The following TTLL5 variants were observed in gnomAD, a reference collection of about 807,000 sequenced individuals.
TTLL5 encodes the protein tubulin polyglutamylase TTLL5.
Under a neutral mutation model 168.4 loss-of-function variants are expected in TTLL5, and 132 were observed. That is an observed-to-expected ratio of 0.78 (90% CI 0.68 to 0.91). The LOEUF (loss-of-function observed/expected upper bound fraction) is 0.91. Among genes scored for constraint, TTLL5 ranks in the 40% least tolerant of loss-of-function variants. The probability of loss-of-function intolerance (pLI) is 0.00; values close to 1 mark genes in which losing one functional copy is unlikely to be tolerated. For missense variants in TTLL5, 1,545 were observed against 1,581.5 expected (o/e 0.98, Z 0.39); for synonymous variants, 546 against 558.6 (o/e 0.98, Z 0.32).
At position 75,793,102 on chromosome 14, in the gene TTLL5, T is replaced by G; in HGVS notation, c.3171+2T>G. ...CACATCAACCTCCTCACCCAACAGG[T>G]ACGGATGGTCTGGGGTGTCCAAGAG... On this transcript the variant is annotated splice_donor_variant, in intron 27 of 31. Transcript: ENST00000298832. LOFTEE classifies it high-confidence loss of function. 1 of 1,606,320 alleles carries G rather than the reference T, an allele frequency of 6.2e-7. No homozygotes were observed. The highest frequency in any genetic ancestry group is 8.5e-7 in the Non-Finnish European group (1 of 1,175,378).
At position 75,902,233 on chromosome 14, in the gene TTLL5, G is replaced by A; in HGVS notation, c.3823+9G>A. The A allele has an allele frequency of 1.9e-6, 3 of 1,613,846 alleles. No homozygotes were observed. The highest frequency in any genetic ancestry group is 4.5e-5 in the East Asian group (2 of 44,870). On this transcript the variant is annotated intron_variant, in intron 31 of 31. Transcript: ENST00000298832. ...CATCACCAGCTCTACAGGTTAGTGG[G>A]CACCAGCTCTTCTGCAACTGGATAG...
At chr14:75,721,105 C>A (rs1443205068) in intron 12 of TTLL5, among the ~76,000 whole-genome samples, 1 of 152,124 alleles carries the variant, frequency 6.6e-6, no homozygotes, top group East Asian at 1.9e-4. Flanking sequence ...TCCGATGACT[C>A]CTCCTTTTTG....
chr14:75,698,179 C>A (rs1004793894), intron 6 of TTLL5, among the ~76,000 whole-genome samples: 14 of 152,202 alleles, frequency 9.2e-5, no homozygotes, highest in Non-Finnish European at 1.9e-4. Flanking sequence ...TAGCCTGCTT[C>A]TCTCCCCTGA....
At chr14:75,881,192 G>A (rs2031795023) in intron 29 of TTLL5, among the ~76,000 whole-genome samples, 1 of 152,168 alleles carries the variant, frequency 6.6e-6, no homozygotes, top group African/African-American at 2.4e-5. Flanking sequence ...AGGATTACAG[G>A]CATTAGCCAC....
At chr14:75,737,874 C>A (rs1889006225) in intron 15 of TTLL5, among the ~76,000 whole-genome samples, 1 of 152,078 alleles carries the variant, frequency 6.6e-6, no homozygotes, top group Admixed American at 6.5e-5. Flanking sequence ...GGAACAGGGG[C>A]TTGAAGGCAT....
intron 9 of TTLL5, among the ~76,000 whole-genome samples, chr14:75,713,348 G>T (rs1887223519): frequency 6.6e-6 from 1 of 152,202 alleles, no homozygotes; most frequent in Non-Finnish European, 1.5e-5. Flanking sequence ...TGCTGTACAG[G>T]TTTGTAGCCT....
intron 26 of TTLL5, among the ~76,000 whole-genome samples, chr14:75,791,124 A>AAAAAAG (rs71119392): frequency 6.6e-6 from 1 of 150,736 alleles, no homozygotes; most frequent in Non-Finnish European, 1.5e-5. Context: ...AAAAAAAAAA[A>AAAAAAG]TACCACTTTG....
chr14:75,941,816 CT>C (rs1321606150), intron 31 of TTLL5, among the ~76,000 whole-genome samples: 1 of 103,474 alleles, frequency 9.7e-6, no homozygotes, highest in Non-Finnish European at 2.1e-5. Context: ...TTAGGGCCTT[CT>C]TTATTGGCAG....
At chr14:75,700,212 A>C (rs1231646041) in intron 7 of TTLL5, among the ~76,000 whole-genome samples, 1 of 152,204 alleles carries the variant, frequency 6.6e-6, no homozygotes, top group South Asian at 2.1e-4. Flanking sequence ...GCTACCACCA[A>C]GGAGTGTCAG....
intron 13 of TTLL5, among the ~76,000 whole-genome samples, chr14:75,732,925 T>C (rs922999759): frequency 6.6e-6 from 1 of 152,204 alleles, no homozygotes; most frequent in Non-Finnish European, 1.5e-5. Flanking sequence ...ACTAACCTAT[T>C]GTTTAGAAGA....
intron 3 of TTLL5, among the ~76,000 whole-genome samples, chr14:75,675,215 C>T (rs1884047599): frequency 6.6e-6 from 1 of 152,124 alleles, no homozygotes; most frequent in Non-Finnish European, 1.5e-5. Context: ...TATCCTAATC[C>T]TAATTCTAGG....
chr14:75,954,382 C>T, intron 31 of TTLL5, 42 bp from the exon 32 acceptor site: 1 of 1,609,954 alleles, frequency 6.2e-7, no homozygotes. Flanking sequence ...AAACCCCATG[C>T]TGTCATTTCA....
intron 28 of TTLL5, among the ~76,000 whole-genome samples, chr14:75,841,458 G>A (rs1180535433): frequency 6.6e-6 from 1 of 152,056 alleles, no homozygotes; most frequent in Non-Finnish European, 1.5e-5. Context: ...CTGTGACTGG[G>A]AACTTTTGGG....
intron 31 of TTLL5, among the ~76,000 whole-genome samples, chr14:75,936,654 G>C (rs1400453935): frequency 1.3e-5 from 2 of 152,156 alleles, no homozygotes; most frequent in Non-Finnish European, 2.9e-5. Flanking sequence ...AGAAGGACTG[G>C]GATCGGCTTG....
rs575724169 is a variant in TTLL5 at position 75,840,384 on chromosome 14, C to T, written c.3326+20223C>T. On this transcript the variant is annotated intron_variant, in intron 28 of 31. Coordinates refer to ENST00000298832, the MANE Select transcript of TTLL5 (RefSeq NM_015072.5). ...TGCATTAGGTATTACTCCTAATGCT[C>T]TCCCTCCCCTTGCCCCCCACCCCCT... Among the ~76,000 whole-genome samples, 3 of 152,218 alleles carry T rather than the reference C, an allele frequency of 2.0e-5. No individual in the cohort carries two copies. In the East Asian group the frequency reaches 5.8e-4, roughly 29 times the overall value.
At chr14:75,839,813 A>G (rs1311464826) in intron 28 of TTLL5, among the ~76,000 whole-genome samples, 1 of 152,170 alleles carries the variant, frequency 6.6e-6, no homozygotes, top group Non-Finnish European at 1.5e-5. Context: ...TTCCCTAATG[A>G]TTAGGAATGT....
At chr14:75,842,829 A>G in intron 28 of TTLL5, among the ~76,000 whole-genome samples, 1 of 149,660 alleles carries the variant, frequency 6.7e-6, no homozygotes, top group East Asian at 1.9e-4. Context: ...TTTCAAAGTG[A>G]TAATAATCAA....
intron 27 of TTLL5, among the ~76,000 whole-genome samples, chr14:75,801,563 C>T (rs1893327624): frequency 6.6e-6 from 1 of 152,110 alleles, no homozygotes. Context: ...AGATCTTATT[C>T]ATGCTAACTA....
At chr14:75,701,285 A>C (rs947857633) in intron 7 of TTLL5, among the ~76,000 whole-genome samples, 7 of 152,022 alleles carry the variant, frequency 4.6e-5, no homozygotes, top group African/African-American at 1.7e-4. Flanking sequence ...CTGTCCTTTA[A>C]TTTTATTGGG....
Sources: allele counts gnomAD v4.1 joint callset (sites outside exome capture counted in the v4.1 genomes callset), GRCh38; gene constraint gnomAD v4.1.1; transcripts MANE v1.5; gene names NCBI Gene and HGNC (gene_info 2026-07-23, HGNC 2026-07-21).